The following TULP4 variants were observed in gnomAD, a reference collection of about 807,000 sequenced individuals.
TULP4 encodes the protein tubby-related protein 4.
A neutral mutation model predicts 129.0 loss-of-function variants in TULP4; 16 were observed. That is an observed-to-expected ratio of 0.12 (90% confidence interval 0.08 to 0.19). The LOEUF is 0.19. Among genes scored for constraint, TULP4 ranks in the 10% least tolerant of loss-of-function variants. The pLI is 1.00. For missense variants in TULP4, 1,842 were observed against 2,059.1 expected (o/e 0.89, Z 2.04); for synonymous variants, 998 against 854.0 (o/e 1.17, Z -2.94).
intron 1 of TULP4, among the ~76,000 whole-genome samples, chr6:158,266,463 C>G (rs983300069): frequency 1.3e-5 from 2 of 152,028 alleles, no homozygotes; most frequent in Non-Finnish European, 2.9e-5. Flanking sequence ...CACCTTGTTC[C>G]CAGGCTGGTT....
At position 158,493,502 on chromosome 6, in the gene TULP4, C is replaced by G. The variant is rs897882153; in HGVS notation, c.1632-71C>G. On this transcript the variant is annotated intron_variant, in intron 9 of 13. Transcript: ENST00000367097. The surrounding 1 kb of genome is among the most constrained non-coding windows in gnomAD (Gnocchi z 4.4). The stretch of plus-strand genomic sequence containing the variant: ...GCTGGCTGTCCAGAAAAAGAAAGGA[C>G]TGCTGGAGTCAGGGCCATGCTCACC... The G allele has an allele frequency of 1.4e-5, 19 of 1,383,138 alleles. No individual in the cohort carries two copies. Among genetic ancestry groups the G allele is most frequent in the Non-Finnish European group, 1.8e-5 (19 of 1,062,706 alleles). The allele number at this position is 1,383,138 out of a possible 1,614,324, so 85.7% of individuals were successfully genotyped here.
chr6:158,374,193 A>G (rs900142101), intron 1 of TULP4, among the ~76,000 whole-genome samples: 1 of 152,064 alleles, frequency 6.6e-6, no homozygotes, highest in African/African-American at 2.4e-5. Flanking sequence ...AGGCTGAGAC[A>G]GGAGGATTGC....
At chr6:158,454,006 A>T (rs189661062) in intron 5 of TULP4, among the ~76,000 whole-genome samples, 2 of 127,982 alleles carry the variant, frequency 1.6e-5, no homozygotes, top group African/African-American at 3.3e-5. Flanking sequence ...CAAGAATCAT[A>T]CCTGCCTCTG....
intron 3 of TULP4, among the ~76,000 whole-genome samples, chr6:158,442,514 C>T (rs1027835425): frequency 1.3e-5 from 2 of 151,976 alleles, no homozygotes; most frequent in African/African-American, 2.4e-5. Flanking sequence ...CAGCATCACT[C>T]GCGGTCTTCT....
chr6:158,274,729 A>T (rs1057317171), intron 1 of TULP4, among the ~76,000 whole-genome samples: 7 of 152,132 alleles, frequency 4.6e-5, no homozygotes, highest in Non-Finnish European at 8.8e-5. Flanking sequence ...GTGAGCCGAG[A>T]TTGCGCCCCT....
intron 3 of TULP4, among the ~76,000 whole-genome samples, chr6:158,439,996 C>T (rs1778849650): frequency 6.6e-6 from 1 of 151,568 alleles, no homozygotes; most frequent in African/African-American, 2.4e-5. Context: ...CAGGCGTGAG[C>T]CACCGTGTCC....
intron 1 of TULP4, chr6:158,242,135 G>T: frequency 1.1e-6 from 1 of 917,350 alleles, no homozygotes; most frequent in South Asian, 1.3e-5. Flanking sequence ...TAGGCCATCT[G>T]ACCATAAGTG....
intron 1 of TULP4, among the ~76,000 whole-genome samples, chr6:158,274,809 G>T (rs1346813608): frequency 6.6e-6 from 1 of 152,134 alleles, no homozygotes; most frequent in Non-Finnish European, 1.5e-5. Context: ...AAACCTTCCA[G>T]TGGCTTCCCA....
chr6:158,233,163 A>T (rs138718404), intron 1 of TULP4, among the ~76,000 whole-genome samples: 1 of 152,260 alleles, frequency 6.6e-6, no homozygotes, highest in East Asian at 1.9e-4. Flanking sequence ...TCCGAGGTTG[A>T]GGTCCGTTAG....
At chr6:158,263,805 G>A (rs1470521563) in intron 1 of TULP4, among the ~76,000 whole-genome samples, 1 of 151,834 alleles carries the variant, frequency 6.6e-6, no homozygotes, top group African/African-American at 2.4e-5. Flanking sequence ...GCTCATGCCT[G>A]TAATCACAGC....
At chr6:158,327,484 T>G (rs113879340) in intron 1 of TULP4, among the ~76,000 whole-genome samples, 1,948 of 152,326 alleles carry the variant, frequency 0.013, 53 homozygotes, top group African/African-American at 0.044. Flanking sequence ...TTTTAAAGTT[T>G]TACATGTTTG....
At chr6:158,403,512 G>A (rs1012315551) in intron 1 of TULP4, among the ~76,000 whole-genome samples, 1 of 152,210 alleles carries the variant, frequency 6.6e-6, no homozygotes, top group South Asian at 2.1e-4. Flanking sequence ...GCTAATTTTT[G>A]TATTTTTAGT....
intron 9 of TULP4, among the ~76,000 whole-genome samples, chr6:158,491,444 T>TTGAGGAGTC (rs1780202126): frequency 6.0e-5 from 1 of 16,690 alleles, no homozygotes; most frequent in Admixed American, 5.8e-4. Context: ...TTTCTTTCTT[T>TTGAGGAGTC]TCTTTCTTTC....
intron 9 of TULP4, among the ~76,000 whole-genome samples, chr6:158,490,783 C>T (rs1262621524): frequency 1.3e-5 from 2 of 151,338 alleles, no homozygotes; most frequent in African/African-American, 4.9e-5. Context: ...CCCTTTGTAT[C>T]TGGCTCTTTT....
At position 158,503,472 on chromosome 6, in the gene TULP4, C is replaced by T. The variant is rs145101521; in HGVS notation, c.3809C>T (p.Pro1270Leu). Residue 1270 changes from proline to leucine, a missense_variant, in exon 13 of 14, where the codon CCG becomes CTG. Pro to Leu is a moderately conservative substitution (Grantham distance 98, BLOSUM62 -3). Coordinates refer to ENST00000367097, the MANE Select transcript of TULP4 (RefSeq NM_020245.5). The surrounding 1 kb of genome is among the most constrained non-coding windows in gnomAD (Gnocchi z 4.3). ...LHPWSSYSAC[P>L]PMQNPQGTLP... ...CCATGGAGTTCCTACAGCGCCTGCCCGCCCATGCAGAACCCCCAGGGCACT... is the reference window on the plus strand; with the variant it reads ...CCATGGAGTTCCTACAGCGCCTGCCTGCCCATGCAGAACCCCCAGGGCACT... 133 of 1,613,976 alleles carry T rather than the reference C, an allele frequency of 8.2e-5. No homozygotes were observed. The East Asian group carries it at 2.5e-3, about 30-fold the overall frequency.
At chr6:158,429,012 T>A (rs1277120762) in intron 2 of TULP4, among the ~76,000 whole-genome samples, 1 of 152,198 alleles carries the variant, frequency 6.6e-6, no homozygotes, top group Non-Finnish European at 1.5e-5. Context: ...AGACAATACC[T>A]TGTTCTGTCA....
At chr6:158,308,248 C>T (rs1447907019), upstream of TULP4, among the ~76,000 whole-genome samples, 1 of 138,480 alleles carries the variant, frequency 7.2e-6, no homozygotes, top group East Asian at 2.1e-4. Flanking sequence ...CAAAGCACAT[C>T]TTGCACCGCC....
At chr6:158,504,339 G>A (rs1036158900) in intron 13 of TULP4, among the ~76,000 whole-genome samples, 161 bp downstream of exon 13, 9 of 150,126 alleles carry the variant, frequency 6.0e-5, no homozygotes, top group African/African-American at 2.2e-4. Context: ...TGTGCCCACT[G>A]CTGTCTTGTA....
At chr6:158,446,895 C>G (rs945197444) in intron 3 of TULP4, among the ~76,000 whole-genome samples, 4 of 152,140 alleles carry the variant, frequency 2.6e-5, no homozygotes, top group African/African-American at 9.7e-5. Flanking sequence ...TCGTGGGCGC[C>G]CCACCCTCAC....
Sources: gnomAD v4.1 joint callset for allele counts (sites outside exome capture counted in the v4.1 genomes callset) on GRCh38, gnomAD v4.1.1 for gene constraint, Gnocchi (gnomAD v3.1) non-coding constraint, MANE v1.5 for transcripts, NCBI Gene and HGNC (gene_info 2026-07-23, HGNC 2026-07-21) for gene names.